OPCML: variants seen among roughly 807,000 people sequenced by gnomAD.
OPCML encodes the protein opioid binding protein/cell adhesion molecule like.
A neutral mutation model predicts 37.8 loss-of-function variants in OPCML; 13 were observed. That is an observed-to-expected ratio of 0.34 (90% CI 0.22 to 0.55). The LOEUF (loss-of-function observed/expected upper bound fraction) is 0.55, where lower values mean the gene tolerates loss of function less well. Ranked by LOEUF, OPCML falls within the 20% of genes least tolerant of loss-of-function variation. OPCML has a pLI of 0.91. For synonymous variants in OPCML, 176 were observed against 168.8 expected (o/e 1.04, Z -0.33); for missense variants, 341 against 435.6 (o/e 0.78, Z 1.93).
At chr11:132,435,163 C>A (rs1344604353) in intron 7 of OPCML, 2 of 1,288,620 alleles carry the variant, frequency 1.6e-6, no homozygotes, top group East Asian at 1.1e-4. Flanking sequence ...ACCCACCTGC[C>A]ACTGCTGATG....
rs530318404 is a variant in OPCML, at chr11:132,752,819, T to C, written c.147-95500A>G. 4.3e-4 allele frequency among the ~76,000 whole-genome samples: 65 copies of C among 152,236 alleles called. 1 individual carries two copies. The highest frequency in any genetic ancestry group is 1.5e-3 in the African/African-American group (62 of 41,550). On this transcript the variant is annotated intron_variant, in intron 2 of 7. Coordinates refer to ENST00000524381, the MANE Select transcript of OPCML (RefSeq NM_001012393.5). ...ATAGATGATATATAAAAGACAGGCC[T>C]CCTTCCTGATAAGCGCCTGAGGAAT...
intron 4 of OPCML, among the ~76,000 whole-genome samples, chr11:132,528,395 T>C (rs977901672): frequency 4.6e-5 from 7 of 152,208 alleles, no homozygotes; most frequent in Non-Finnish European, 8.8e-5. Flanking sequence ...ATATTTCAAG[T>C]GGCTCTGTGC....
intron 1 of OPCML, among the ~76,000 whole-genome samples, chr11:133,210,800 G>T (rs1939324451): frequency 6.6e-6 from 1 of 152,050 alleles, no homozygotes; most frequent in Non-Finnish European, 1.5e-5. Flanking sequence ...ATGATCTCCG[G>T]ACATTTTTTT....
intron 1 of OPCML, among the ~76,000 whole-genome samples, chr11:133,095,790 T>C (rs1047346682): frequency 2.0e-5 from 3 of 151,440 alleles, no homozygotes; most frequent in Non-Finnish European, 4.4e-5. Flanking sequence ...ACCATGTAAG[T>C]ACAGAGTAGA....
At chr11:133,474,414 G>A (rs1024622603) in intron 1 of OPCML, among the ~76,000 whole-genome samples, 3 of 152,196 alleles carry the variant, frequency 2.0e-5, no homozygotes, top group Admixed American at 6.5e-5. Flanking sequence ...GAATTCAAAA[G>A]CTGTTATCAA....
intron 1 of OPCML, among the ~76,000 whole-genome samples, chr11:133,283,555 T>C (rs1339487161): frequency 6.6e-6 from 1 of 152,134 alleles, no homozygotes; most frequent in East Asian, 1.9e-4. Flanking sequence ...CCTTTATAAA[T>C]TACCCAGCCA....
At position 132,460,687 on chromosome 11, in the gene OPCML, C is replaced by T. The variant is rs377641321; in HGVS notation, c.506-23328G>A. ...TTTTGCAGAAGCAAATAATCATGCA[C>T]TTCAACAGCTCCAGAGAGAATCGCC... On this transcript the variant is annotated intron_variant, in intron 4 of 7. Coordinates refer to ENST00000524381, the MANE Select transcript of OPCML (RefSeq NM_001012393.5). 2.0e-5 allele frequency among the ~76,000 whole-genome samples: 3 copies of T among 152,184 alleles called. No individual in the cohort carries two copies. The South Asian group carries it at 6.2e-4, about 31-fold the overall frequency.
intron 1 of OPCML, chr11:133,421,360 A>G (rs185339654): frequency 3.0e-6 from 3 of 985,440 alleles, no homozygotes; most frequent in East Asian, 1.1e-4. Context: ...AGCCATCAAG[A>G]TGGAGAACAG....
intron 1 of OPCML, chr11:133,008,137 G>T (rs1947148116): frequency 7.1e-6 from 7 of 985,398 alleles, no homozygotes; most frequent in Non-Finnish European, 8.4e-6. Flanking sequence ...AGCCTCTTGG[G>T]CAGAAAGATG....
chr11:132,905,820 GAAT>G (rs1944221582), intron 2 of OPCML, among the ~76,000 whole-genome samples: 1 of 152,042 alleles, frequency 6.6e-6, no homozygotes, highest in Non-Finnish European at 1.5e-5. Flanking sequence ...TGTATAATGG[GAAT>G]AATACCATTG....
intron 1 of OPCML, among the ~76,000 whole-genome samples, chr11:133,258,291 T>C (rs1006413272): frequency 1.3e-5 from 2 of 152,184 alleles, no homozygotes; most frequent in Non-Finnish European, 2.9e-5. Context: ...TTTATTTCTG[T>C]GAATAGGGGA....
At chr11:133,237,851 C>A (rs548418376) in intron 1 of OPCML, among the ~76,000 whole-genome samples, 3 of 152,150 alleles carry the variant, frequency 2.0e-5, no homozygotes, top group Non-Finnish European at 2.9e-5. Context: ...AACTAGGATG[C>A]GCCTGGTGCC....
chr11:133,010,235 G>A lies in OPCML; in HGVS notation c.62-67225C>T, dbSNP rs112055215. 1.8e-3 allele frequency among the ~76,000 whole-genome samples: 277 copies of A among 152,238 alleles called. 2 individuals are homozygous for A. Among genetic ancestry groups the A allele is most frequent in the African/African-American group, 6.0e-3 (248 of 41,516 alleles). ...AGCTCCCGTCCTTCTTTCTGCTCTT[G>A]CTGTGGCAATCTACAAGAGGGCTGC... is the stretch of plus-strand genomic sequence containing the variant. On this transcript the variant is annotated intron_variant, in intron 1 of 7. Coordinates refer to ENST00000524381, the MANE Select transcript of OPCML (RefSeq NM_001012393.5).
intron 2 of OPCML, among the ~76,000 whole-genome samples, chr11:132,747,003 C>T (rs1945656116): frequency 6.6e-6 from 1 of 152,066 alleles, no homozygotes; most frequent in South Asian, 2.1e-4. Context: ...TTAAGTCCTA[C>T]CTCAGATTAC....
rs1448878032 is a variant in OPCML at position 133,208,159 on chromosome 11, A to G, written c.62-265149T>C. Among the ~76,000 whole-genome samples the G allele has an allele frequency of 6.6e-6, 1 of 152,152 alleles. No homozygotes were observed. Among genetic ancestry groups the G allele is most frequent in the Non-Finnish European group, 1.5e-5 (1 of 68,028 alleles). On this transcript the variant is annotated intron_variant, in intron 1 of 7. Transcript: ENST00000524381. This position sits in a 1 kb window ranked among gnomAD's most constrained non-coding sequence, Gnocchi z 8.9. The stretch of plus-strand genomic sequence containing the variant: ...CTGTTGGTCTTCCTTACTGTATTAT[A>G]CATTATGCTGGGGAAGGCAGACTGT...
intron 3 of OPCML, among the ~76,000 whole-genome samples, chr11:132,561,930 A>G (rs922337070): frequency 2.6e-5 from 4 of 152,214 alleles, no homozygotes; most frequent in Non-Finnish European, 5.9e-5. Flanking sequence ...ATACAGCCAC[A>G]TTCTCAGCAA....
intron 3 of OPCML, among the ~76,000 whole-genome samples, chr11:132,549,237 T>C (rs530198194): frequency 6.6e-6 from 1 of 152,288 alleles, no homozygotes; most frequent in Admixed American, 6.5e-5. Context: ...TGCATTAGCA[T>C]GCTAAAAGAC....
intron 2 of OPCML, among the ~76,000 whole-genome samples, chr11:132,680,544 G>A (rs1942897710): frequency 6.6e-6 from 1 of 152,210 alleles, no homozygotes; most frequent in Admixed American, 6.5e-5. Context: ...AAAAGGCCCT[G>A]GCTGCAGGCG....
intron 2 of OPCML, chr11:132,772,124 A>T (rs1024210695): frequency 6.6e-6 from 1 of 152,208 alleles, no homozygotes; most frequent in Non-Finnish European, 1.5e-5. Flanking sequence ...GAAATGAAAT[A>T]CTGGGGAAGA....
Sources: allele counts gnomAD v4.1 joint callset (sites outside exome capture counted in the v4.1 genomes callset), GRCh38; gene constraint gnomAD v4.1.1; non-coding constraint Gnocchi (gnomAD v3.1); transcripts MANE v1.5; gene names NCBI Gene and HGNC (gene_info 2026-07-23, HGNC 2026-07-21).